SLC24A2: variants seen among roughly 807,000 people sequenced by gnomAD.
The protein encoded by SLC24A2 is sodium/potassium/calcium exchanger 2.
In SLC24A2, 36 loss-of-function variants were observed where a neutral mutation model predicts 62.0. The observed-to-expected ratio is 0.58, with a 90% CI of 0.44 to 0.77. The LOEUF is 0.77. SLC24A2 is among the 30% of genes least tolerant of loss of function. The pLI is 0.00. For synonymous variants in SLC24A2, 358 were observed against 294.0 expected (o/e 1.22, Z -2.23); for missense variants, 846 against 817.9 (o/e 1.03, Z -0.42).
At chr9:19,788,783 C>T in intron 1 of SLC24A2, 102 bp downstream of exon 1, 1 of 985,438 alleles carries the variant, frequency 1.0e-6, no homozygotes, top group Non-Finnish European at 1.2e-6. Flanking sequence ...GCAGAGCCAC[C>T]TGTGAGCCTG....
At chr9:20,186,262 T>C in the SLC24A2 span, among the ~76,000 whole-genome samples, 5 of 152,196 alleles carry the variant, frequency 3.3e-5, no homozygotes, top group African/African-American at 1.2e-4. Context: ...TTCAAAGAAG[T>C]AGATTTTTGC....
At chr9:20,009,099 C>G in the SLC24A2 span, among the ~76,000 whole-genome samples, 1 of 152,172 alleles carries the variant, frequency 6.6e-6, no homozygotes. Context: ...GAATTCTGGA[C>G]TCATGGTTTC....
chr9:20,131,217 G>T, the SLC24A2 span, among the ~76,000 whole-genome samples: 2 of 152,016 alleles, frequency 1.3e-5, no homozygotes, highest in African/African-American at 2.4e-5. Flanking sequence ...ATCTCCAAAG[G>T]CCACAATATC....
chr9:19,899,267 T>C, the SLC24A2 span, among the ~76,000 whole-genome samples: 3 of 152,160 alleles, frequency 2.0e-5, no homozygotes, highest in Non-Finnish European at 4.4e-5. Context: ...TGGAAACTTG[T>C]CAAAGACTGA....
the SLC24A2 span, among the ~76,000 whole-genome samples, chr9:20,045,531 A>C: frequency 6.6e-6 from 1 of 152,104 alleles, no homozygotes; most frequent in Non-Finnish European, 1.5e-5. Flanking sequence ...TCCCAGGTTC[A>C]AGCGACTCTC....
At chr9:19,955,391 T>G in the SLC24A2 span, among the ~76,000 whole-genome samples, 2 of 151,192 alleles carry the variant, frequency 1.3e-5, no homozygotes, top group Non-Finnish European at 2.9e-5. Context: ...TTTTTTTTTT[T>G]GTTTTCCTTT....
chr9:20,020,742 A>G, the SLC24A2 span, among the ~76,000 whole-genome samples: 1 of 152,190 alleles, frequency 6.6e-6, no homozygotes, highest in South Asian at 2.1e-4. Context: ...CATAAAAAAG[A>G]AAGATAAATT....
the SLC24A2 span, among the ~76,000 whole-genome samples, chr9:20,073,961 C>T: frequency 6.7e-4 from 100 of 148,226 alleles, no homozygotes; most frequent in Non-Finnish European, 1.2e-3. Flanking sequence ...TATACACACA[C>T]ATATCCTTGT....
At chr9:19,779,626 G>T (rs1822950819) in intron 2 of SLC24A2, among the ~76,000 whole-genome samples, 1 of 152,128 alleles carries the variant, frequency 6.6e-6, no homozygotes, top group Non-Finnish European at 1.5e-5. Context: ...GTAGATAAAA[G>T]GTTTGGTATA....
At chr9:20,131,736 G>T in the SLC24A2 span, among the ~76,000 whole-genome samples, 1 of 152,134 alleles carries the variant, frequency 6.6e-6, no homozygotes, top group East Asian at 1.9e-4. Context: ...TCAAAGACAA[G>T]GGTCCCTCTA....
At chr9:20,241,903 C>T in the SLC24A2 span, among the ~76,000 whole-genome samples, 1 of 152,192 alleles carries the variant, frequency 6.6e-6, no homozygotes. Flanking sequence ...TGTTTCACTT[C>T]CACCAATGCC....
intron 4 of SLC24A2, among the ~76,000 whole-genome samples, chr9:19,612,333 T>C (rs1295435047): frequency 1.3e-5 from 2 of 152,216 alleles, no homozygotes; most frequent in African/African-American, 4.8e-5. Flanking sequence ...ATACTCTTCA[T>C]TTGTTTTAGT....
the SLC24A2 span, among the ~76,000 whole-genome samples, chr9:19,838,226 G>T: frequency 6.6e-6 from 1 of 152,138 alleles, no homozygotes; most frequent in Admixed American, 6.5e-5. Context: ...CAGAGGTATA[G>T]ACCAATGGAA....
At chr9:19,824,533 A>G in the SLC24A2 span, among the ~76,000 whole-genome samples, 2 of 152,200 alleles carry the variant, frequency 1.3e-5, no homozygotes, top group African/African-American at 4.8e-5. Context: ...GATGCTGGCA[A>G]GGCTGTGGAG....
chr9:19,731,901 T>C (rs1268677242), intron 2 of SLC24A2, among the ~76,000 whole-genome samples: 1 of 152,284 alleles, frequency 6.6e-6, no homozygotes, highest in South Asian at 2.1e-4. Context: ...ACCTATACAT[T>C]GTGAGCCAGT....
chr9:20,240,826 A>T, the SLC24A2 span, among the ~76,000 whole-genome samples: 2 of 152,170 alleles, frequency 1.3e-5, no homozygotes, highest in South Asian at 2.1e-4. Context: ...CGATTGATCA[A>T]TGTGACCATA....
Position 19,507,777 on chromosome 9 carries a change from T to C in SLC24A2, c.*8376A>G, listed in dbSNP as rs1832554888. 6.6e-6 allele frequency: 1 copy of C among 152,206 alleles called. No individual in the cohort carries two copies. The highest frequency in any genetic ancestry group is 2.4e-5 in the African/African-American group (1 of 41,456). 9.4% of individuals were successfully genotyped at this position (152,206 alleles called of 1,614,324 possible). ...ACACATACAAAATGACAGAAGTAATTTGGAAGTGCATCCACTGGATTTTTG... is the reference window on the plus strand; with the variant it reads ...ACACATACAAAATGACAGAAGTAATCTGGAAGTGCATCCACTGGATTTTTG... On this transcript the variant is annotated 3_prime_UTR_variant, in exon 11 of 11. Transcript: ENST00000341998.
intron 8 of SLC24A2, among the ~76,000 whole-genome samples, chr9:19,528,405 A>G (rs1185982908): frequency 6.6e-6 from 1 of 152,166 alleles, no homozygotes; most frequent in African/African-American, 2.4e-5. Flanking sequence ...AGTTCCTGCT[A>G]TTAGATGTTT....
chr9:20,038,468 G>A, the SLC24A2 span, among the ~76,000 whole-genome samples: 1 of 152,148 alleles, frequency 6.6e-6, no homozygotes, highest in Non-Finnish European at 1.5e-5. Flanking sequence ...AAGCCTGGAA[G>A]CCTGACTCAA....
Sources: gnomAD v4.1 joint callset for allele counts (sites outside exome capture counted in the v4.1 genomes callset) on GRCh38, gnomAD v4.1.1 for gene constraint, MANE v1.5 for transcripts, NCBI Gene and HGNC (gene_info 2026-07-23, HGNC 2026-07-21) for gene names.